Variants in APLP2 observed in about 807,000 individuals in gnomAD.
The protein encoded by APLP2 is amyloid beta precursor like protein 2, also known as CDEI box-binding protein.
APLP2 carries 53 observed loss-of-function variants against 89.9 expected under a neutral mutation model. The ratio of observed to expected loss-of-function variants is 0.59; its 90% CI spans 0.47 to 0.74. APLP2 has a LOEUF of 0.74. Ranked by LOEUF, APLP2 falls within the 30% of genes least tolerant of loss-of-function variation. The pLI, the probability that APLP2 is intolerant of heterozygous loss-of-function variation, is 0.00. For missense variants in APLP2, 973 were observed against 975.9 expected, an observed-to-expected ratio of 1.00 and a Z score of 0.04; for synonymous variants, 372 against 348.6, an observed-to-expected ratio of 1.07 and a Z score of -0.75.
intron 1 of APLP2, among the ~76,000 whole-genome samples, chr11:130,079,082 T>TA (rs1565548948): frequency 0.053 from 5,992 of 113,444 alleles, 359 homozygotes; most frequent in African/African-American, 0.25. Flanking sequence ...ACATGTATTT[T>TA]TTTTATTTAT....
intron 1 of APLP2, among the ~76,000 whole-genome samples, chr11:130,095,859 G>A (rs932872142): frequency 6.6e-6 from 1 of 152,230 alleles, no homozygotes; most frequent in Non-Finnish European, 1.5e-5. Context: ...TTTAGAGTCA[G>A]TTGTTTACTT....
At chr11:130,124,266 G>A (rs1950147952) in intron 7 of APLP2, among the ~76,000 whole-genome samples, 1 of 152,226 alleles carries the variant, frequency 6.6e-6, no homozygotes, top group South Asian at 2.1e-4. Context: ...ACTTTGGGCA[G>A]TCTAGAATAT....
At position 130,135,588 on chromosome 11, in the gene APLP2, A is replaced by C. The variant is rs149109874; in HGVS notation, c.1710A>C (p.Ala570=). 6.2e-7 allele frequency: 1 copy of C among 1,614,168 alleles called. No homozygotes were observed. The highest frequency in any genetic ancestry group is 8.5e-7 in the Non-Finnish European group (1 of 1,180,026). Residue 570 remains alanine, a synonymous_variant, in exon 13 of 17, where the codon GCA becomes GCC. Transcript: ENST00000338167. The stretch of plus-strand genomic sequence containing the variant: ...ATGAGCTCCTTCAGGAGCAGCGTGC[A>C]GATATGGACCAGTTCACTGCCTCAA... ...EIDELLQEQR[A]DMDQFTASIS...
chr11:130,123,576 C>T lies in APLP2; in HGVS notation c.923-36C>T, dbSNP rs1950059468. On this transcript the variant is annotated intron_variant, in intron 6 of 16. Coordinates refer to ENST00000338167, the MANE Select transcript of APLP2 (RefSeq NM_001142276.2). The surrounding 1 kb of genome is among the most constrained non-coding windows in gnomAD (Gnocchi z 4.0). ...ATTTTGAAGCATTTGACGTCACTGC[C>T]TCTGTCCTGCTGACACTCTGACCAT... The T allele has an allele frequency of 1.9e-6, 3 of 1,595,614 alleles. No homozygotes were observed. Among genetic ancestry groups the T allele is most frequent in the Non-Finnish European group, 2.6e-6 (3 of 1,170,630 alleles).
At chr11:130,102,970 A>G (rs1445764125) in intron 1 of APLP2, among the ~76,000 whole-genome samples, 1 of 152,244 alleles carries the variant, frequency 6.6e-6, no homozygotes, top group Non-Finnish European at 1.5e-5. Context: ...CATAGATCAC[A>G]AGGACTGGCT....
chr11:130,080,177 C>A (rs1339342916), intron 1 of APLP2, among the ~76,000 whole-genome samples: 1 of 152,070 alleles, frequency 6.6e-6, no homozygotes, highest in African/African-American at 2.4e-5. Context: ...AGTTAATAGC[C>A]TCCTAAGTTT....
chr11:130,079,030 T>C (rs1358153995), intron 1 of APLP2, among the ~76,000 whole-genome samples: 3 of 152,102 alleles, frequency 2.0e-5, no homozygotes, highest in East Asian at 1.9e-4. Flanking sequence ...TGGGGGAAAA[T>C]TGACATTTTT....
At chr11:130,140,220 A>G (rs1002305810) in intron 13 of APLP2, among the ~76,000 whole-genome samples, 178 bp from the exon 14 acceptor site, 2 of 152,186 alleles carry the variant, frequency 1.3e-5, no homozygotes, top group African/African-American at 4.8e-5. Flanking sequence ...TGCCTGTCTC[A>G]TTCATCTTTA....
chr11:130,095,810 A>G (rs536163347), intron 1 of APLP2, among the ~76,000 whole-genome samples: 4 of 152,352 alleles, frequency 2.6e-5, no homozygotes, highest in African/African-American at 7.2e-5. Flanking sequence ...GGTTGATACT[A>G]GTTTAGTGCA....
chr11:130,143,463 G>A lies in APLP2; in HGVS notation c.*15G>A, dbSNP rs201861910. On this transcript the variant is annotated 3_prime_UTR_variant, in exon 17 of 17. Transcript: ENST00000338167. ...TGCAGATTTAGGTGGCAGGGAGCGC[G>A]GCAGCCCTGGCGGAGGGATGCAGGT... 2,176 of 1,606,912 alleles carry A rather than the reference G, an allele frequency of 1.4e-3. 3 individuals are homozygous for A. The highest frequency in any genetic ancestry group is 1.6e-3 in the Non-Finnish European group (1,924 of 1,173,998).
chr11:130,106,668 T>G (rs1429325550), intron 1 of APLP2, among the ~76,000 whole-genome samples: 4 of 150,514 alleles, frequency 2.7e-5, no homozygotes, highest in Non-Finnish European at 5.9e-5. Context: ...CTTGATCAGC[T>G]TCCTACCCAA....
At chr11:130,096,782 AC>A (rs1280105344) in intron 1 of APLP2, among the ~76,000 whole-genome samples, 3 of 152,166 alleles carry the variant, frequency 2.0e-5, no homozygotes, top group Admixed American at 6.5e-5. Context: ...GCTTACACAC[AC>A]GTTTATATTC....
chr11:130,109,386 T>C, intron 1 of APLP2, 43 bp from the exon 2 acceptor site: 1 of 1,576,642 alleles, frequency 6.3e-7, no homozygotes, highest in Non-Finnish European at 8.6e-7. Context: ...GCCTCTGTGC[T>C]AGCCTTCTTG....
intron 1 of APLP2, among the ~76,000 whole-genome samples, chr11:130,093,749 TA>T (rs1356791472): frequency 4.6e-5 from 7 of 152,086 alleles, no homozygotes; most frequent in South Asian, 2.1e-4. Context: ...ATTTTTTATT[TA>T]TTTTTTTTTT....
In APLP2 at chr11:130,110,630, G is replaced by A; in HGVS notation, c.372G>A (p.Lys124=). The change falls in exon 3 of 17, where the codon AAG becomes AAA. Residue 124 remains lysine, a synonymous_variant. Transcript: ENST00000338167. ...NWCRRDKKQC[K]SRFVTPFKCL... is the part of the protein sequence containing the mutation. ...GCCGGAGGGACAAAAAGCAATGCAA[G>A]AGTCGCTTTGTTACACCTTTCAAGT... The A allele has an allele frequency of 2.5e-6, 4 of 1,613,968 alleles. No homozygotes were observed. The highest frequency in any genetic ancestry group is 3.4e-6 in the Non-Finnish European group (4 of 1,179,984).
chr11:130,098,008 AG>A (rs1364843208), intron 1 of APLP2, among the ~76,000 whole-genome samples: 1 of 152,148 alleles, frequency 6.6e-6, no homozygotes. Flanking sequence ...CTCATTTTTC[AG>A]GGGGGCCACT....
intron 1 of APLP2, among the ~76,000 whole-genome samples, chr11:130,095,264 C>T (rs193233091): frequency 6.8e-4 from 103 of 152,098 alleles, no homozygotes; most frequent in Non-Finnish European, 1.1e-3. Context: ...TACAACTACT[C>T]GGGAGGCTGA....
rs1945517461 is a variant in APLP2, at chr11:130,092,531, CCAACA to C, written c.106-16895_106-16891del. On this transcript the variant is annotated intron_variant, in intron 1 of 16. Coordinates refer to ENST00000338167, the MANE Select transcript of APLP2 (RefSeq NM_001142276.2). Reference sequence around the variant, plus strand: ...GGTTAGGGGCTGGAGACCGGCCCGGCCAACACAGCGAAACCCCGTCTCCACCAAAA... The same window carrying C: ...GGTTAGGGGCTGGAGACCGGCCCGGCCAGCGAAACCCCGTCTCCACCAAAA... 1.4e-5 allele frequency among the ~76,000 whole-genome samples: 2 copies of C among 145,290 alleles called. 1 individual carries two copies. Among genetic ancestry groups the C allele is most frequent in the Non-Finnish European group, 3.0e-5 (2 of 66,698 alleles).
intron 1 of APLP2, among the ~76,000 whole-genome samples, chr11:130,090,243 CTGTCTT>C (rs1229447723): frequency 2.2e-5 from 3 of 135,636 alleles, no homozygotes; most frequent in African/African-American, 5.6e-5. Context: ...AGTTCTAGCT[CTGTCTT>C]TTTTTTTTTT....
Sources: gnomAD v4.1 joint callset for allele counts (sites outside exome capture counted in the v4.1 genomes callset) on GRCh38, gnomAD v4.1.1 for gene constraint, Gnocchi (gnomAD v3.1) non-coding constraint, MANE v1.5 for transcripts, NCBI Gene and HGNC (gene_info 2026-07-23, HGNC 2026-07-21) for gene names.